TMEM132B: variants seen among roughly 807,000 people sequenced by gnomAD.
TMEM132B encodes the protein transmembrane protein 132B.
In TMEM132B, 18 loss-of-function variants were observed where a neutral mutation model predicts 90.8. That is an observed-to-expected ratio of 0.20 (90% CI 0.14 to 0.29). The LOEUF (loss-of-function observed/expected upper bound fraction) is 0.29, where lower values mean the gene tolerates loss of function less well. Among genes scored for constraint, TMEM132B ranks in the 10% least tolerant of loss-of-function variants. The probability of loss-of-function intolerance (pLI) is 1.00; values close to 1 mark genes in which losing one functional copy is unlikely to be tolerated. For missense variants in TMEM132B, 1,096 were observed against 1,326.8 expected, an observed-to-expected ratio of 0.83 and a Z score of 2.70; for synonymous variants, 504 against 523.3, an observed-to-expected ratio of 0.96 and a Z score of 0.50.
intron 2 of TMEM132B, among the ~76,000 whole-genome samples, chr12:125,374,284 T>C (rs369085306): frequency 1.5e-4 from 23 of 152,344 alleles, no homozygotes; most frequent in East Asian, 1.2e-3. Flanking sequence ...TCTGACTCTC[T>C]GAAGTCCTCT....
chr12:125,644,711 G>A (rs1886715680), intron 6 of TMEM132B, among the ~76,000 whole-genome samples: 1 of 152,070 alleles, frequency 6.6e-6, no homozygotes, highest in Admixed American at 6.5e-5. Context: ...CGTGGGCTGT[G>A]GGATAAGGCT....
At chr12:125,254,613 T>C (rs1874391069) in intron 1 of TMEM132B, among the ~76,000 whole-genome samples, 1 of 152,024 alleles carries the variant, frequency 6.6e-6, no homozygotes. Context: ...AGAGATGGAA[T>C]TGCGTATTTG....
In TMEM132B at chr12:125,277,869, C is replaced by T. The variant is rs115201222; in HGVS notation, c.68-71583C>T. On this transcript the variant is annotated intron_variant, in intron 1 of 8. Coordinates refer to ENST00000682704, the MANE Select transcript of TMEM132B (RefSeq NM_001366854.1). This position sits in a 1 kb window ranked among gnomAD's most constrained non-coding sequence, Gnocchi z 4.3. ...TTTATGTAAAAGCCTGGATTTTTGG[C>T]ATCTCTAGAAAAATCAGATCTATTC... 0.041 allele frequency among the ~76,000 whole-genome samples: 6,274 copies of T among 152,286 alleles called. 357 individuals carry two copies. Among genetic ancestry groups the T allele is most frequent in the African/African-American group, 0.12 (5,094 of 41,538 alleles).
chr12:125,543,361 T>TA (rs561973677), intron 4 of TMEM132B, among the ~76,000 whole-genome samples: 1 of 152,196 alleles, frequency 6.6e-6, no homozygotes, highest in Non-Finnish European at 1.5e-5. Flanking sequence ...AATACAAATT[T>TA]AAAAAACCAA....
At position 125,415,563 on chromosome 12, in the gene TMEM132B, C is replaced by A; in HGVS notation, c.992C>A (p.Ala331Glu). Residue 331 changes from alanine to glutamate, a missense_variant, in exon 3 of 9, where the codon GCA becomes GAA. Physicochemically the swap from Ala to Glu is moderately radical, Grantham distance 107. Transcript: ENST00000682704. This position sits in a 1 kb window ranked among gnomAD's most constrained non-coding sequence, Gnocchi z 5.3. ...GCGGCAGCAGGTGTGAAGATAACGG[C>A]AGTGAGAGTCAGCAGTGAGGACCAA... ...IKAAAGVKIT[A>E]VRVSSEDQWA... 1 of 1,614,180 alleles carries A rather than the reference C, an allele frequency of 6.2e-7. No individual in the cohort carries two copies. Among genetic ancestry groups the A allele is most frequent in the South Asian group, 1.1e-5 (1 of 91,082 alleles).
intron 1 of TMEM132B, among the ~76,000 whole-genome samples, chr12:125,302,845 C>T (rs1875865981): frequency 6.6e-6 from 1 of 152,032 alleles, no homozygotes; most frequent in African/African-American, 2.4e-5. Context: ...GCCTGTAATC[C>T]CAGCACTTTG....
rs78505459 is a variant in TMEM132B at position 125,556,606 on chromosome 12, G to A, written c.1294-27245G>A. 7.2e-3 allele frequency among the ~76,000 whole-genome samples: 1,096 copies of A among 152,222 alleles called. 12 individuals are homozygous for A. The highest frequency in any genetic ancestry group is 0.02 in the African/African-American group (841 of 41,534). On this transcript the variant is annotated intron_variant, in intron 4 of 8. Transcript: ENST00000682704. ...GTATGAATAAGAGCTCAAACTAATC[G>A]GAGTTTATATTCCCATGTGACAAGA...
In TMEM132B at chr12:125,271,192, C is replaced by T. The variant is rs577875327; in HGVS notation, c.68-78260C>T. 1.1e-4 allele frequency among the ~76,000 whole-genome samples: 17 copies of T among 152,272 alleles called. No individual in the cohort carries two copies. In the East Asian group the frequency reaches 3.3e-3, roughly 29 times the overall value. ...CTATGTCGCCTACGCTGGTCTCAAA[C>T]TCTTGGCCTCAAGGGATCCTCCTGC... On this transcript the variant is annotated intron_variant, in intron 1 of 8. Coordinates refer to ENST00000682704, the MANE Select transcript of TMEM132B (RefSeq NM_001366854.1).
intron 1 of TMEM132B, among the ~76,000 whole-genome samples, chr12:125,258,856 C>A (rs762290974): frequency 6.6e-6 from 1 of 152,172 alleles, no homozygotes; most frequent in Non-Finnish European, 1.5e-5. Flanking sequence ...GCAAAGGCCT[C>A]TCTGCAAGGT....
intron 3 of TMEM132B, among the ~76,000 whole-genome samples, chr12:125,482,345 A>T (rs920901558): frequency 6.6e-6 from 1 of 152,346 alleles, no homozygotes; most frequent in East Asian, 1.9e-4. Context: ...AAATTTTTGC[A>T]ATCTACCCAT....
chr12:125,605,556 G>A (rs1429159061), intron 5 of TMEM132B, among the ~76,000 whole-genome samples: 1 of 152,194 alleles, frequency 6.6e-6, no homozygotes, highest in Admixed American at 6.5e-5. Context: ...CTGTCAGCAT[G>A]TCAGTTGAGC....
chr12:125,359,817 C>T (rs970325394), intron 2 of TMEM132B, among the ~76,000 whole-genome samples: 13 of 152,206 alleles, frequency 8.5e-5, no homozygotes, highest in Admixed American at 1.3e-4. Context: ...CAGTGGTTCA[C>T]GCCTGTAATC....
chr12:125,280,629 G>C (rs1423608294), intron 1 of TMEM132B, among the ~76,000 whole-genome samples: 2 of 152,252 alleles, frequency 1.3e-5, no homozygotes, highest in African/African-American at 2.4e-5. Flanking sequence ...GCTGGGAGCA[G>C]ATGCTGCTGC....
intron 4 of TMEM132B, among the ~76,000 whole-genome samples, chr12:125,537,963 ACT>A (rs1300508268): frequency 2.0e-5 from 3 of 151,448 alleles, no homozygotes; most frequent in Admixed American, 6.6e-5. Context: ...CCACCCCGAA[ACT>A]CTGCAGATCT....
chr12:125,414,061 G>A (rs919424762), intron 2 of TMEM132B, among the ~76,000 whole-genome samples: 3 of 152,158 alleles, frequency 2.0e-5, no homozygotes, highest in African/African-American at 7.2e-5. Flanking sequence ...TGTCATTGTG[G>A]TTTGGATTTG....
chr12:125,603,078 A>G (rs1194758987), intron 5 of TMEM132B, among the ~76,000 whole-genome samples: 1 of 152,230 alleles, frequency 6.6e-6, no homozygotes, highest in Non-Finnish European at 1.5e-5. Context: ...ACTACCATTT[A>G]CATTCTTCAC....
At chr12:125,443,826 T>C (rs1018083977) in intron 3 of TMEM132B, among the ~76,000 whole-genome samples, 7 of 152,192 alleles carry the variant, frequency 4.6e-5, no homozygotes, top group Admixed American at 1.3e-4. Context: ...ACAATGGTAG[T>C]CTTTATTCTA....
intron 4 of TMEM132B, among the ~76,000 whole-genome samples, chr12:125,527,755 TCCAC>T (rs1883535638): frequency 6.6e-6 from 1 of 151,716 alleles, no homozygotes; most frequent in Non-Finnish European, 1.5e-5. Context: ...CATCCACCAA[TCCAC>T]CTTCCATCTA....
chr12:125,416,800 T>C (rs1880027375), intron 3 of TMEM132B, among the ~76,000 whole-genome samples: 1 of 152,218 alleles, frequency 6.6e-6, no homozygotes, highest in African/African-American at 2.4e-5. Context: ...CCAGTCATCA[T>C]TCTCTACATC....
Sources: gnomAD v4.1 joint callset for allele counts (sites outside exome capture counted in the v4.1 genomes callset) on GRCh38, gnomAD v4.1.1 for gene constraint, Gnocchi (gnomAD v3.1) non-coding constraint, MANE v1.5 for transcripts, NCBI Gene and HGNC (gene_info 2026-07-23, HGNC 2026-07-21) for gene names.